The following ROCK2 variants were observed in gnomAD, a reference collection of about 807,000 sequenced individuals.
ROCK2 encodes rho-associated protein kinase 2.
A neutral mutation model predicts 195.1 loss-of-function variants in ROCK2; 61 were observed. The ratio of observed to expected loss-of-function variants is 0.31; its 90% confidence interval spans 0.25 to 0.39. The LOEUF is 0.39. Among genes scored for constraint, ROCK2 ranks in the 10% least tolerant of loss-of-function variants. ROCK2 has a pLI of 1.00. For missense variants in ROCK2, 1,109 were observed against 1,637.4 expected (o/e 0.68, Z 5.57); for synonymous variants, 504 against 545.5 (o/e 0.92, Z 1.06).
chr2:11,278,765 G>A (rs1327304424), intron 3 of ROCK2, among the ~76,000 whole-genome samples: 3 of 151,860 alleles, frequency 2.0e-5, no homozygotes, highest in Admixed American at 1.3e-4. Context: ...GGTGCCTGCC[G>A]CCACGCCTGG....
At chr2:11,190,962 TATTCAAC>T (rs1226409625) in intron 32 of ROCK2, among the ~76,000 whole-genome samples, 11 of 152,210 alleles carry the variant, frequency 7.2e-5, no homozygotes, top group Non-Finnish European at 1.5e-4. Flanking sequence ...TCACACAAAA[TATTCAAC>T]ATTTTCACTG....
rs558029099 is a variant in ROCK2 at position 11,329,622 on chromosome 2, A to G, written c.141+14374T>C. 2.6e-4 allele frequency among the ~76,000 whole-genome samples: 39 copies of G among 152,020 alleles called. No individual in the cohort carries two copies. The South Asian group carries it at 7.9e-3, about 31-fold the overall frequency. On this transcript the variant is annotated intron_variant, in intron 1 of 32. Coordinates refer to ENST00000315872, the MANE Select transcript of ROCK2 (RefSeq NM_004850.5). ...TTGTATCATCTGCTGTTCTCCTATT[A>G]TGGAAATGTCTTAAAAATGGAAAAC... is the stretch of plus-strand genomic sequence containing the variant.
At chr2:11,252,214 C>T (rs1006278173) in intron 3 of ROCK2, among the ~76,000 whole-genome samples, 15 of 152,080 alleles carry the variant, frequency 9.9e-5, no homozygotes, top group African/African-American at 3.4e-4. Flanking sequence ...CGTTCGAGAC[C>T]AGCCTGGCCA....
intron 1 of ROCK2, among the ~76,000 whole-genome samples, chr2:11,288,887 C>A (rs931084802): frequency 2.0e-5 from 3 of 152,032 alleles, no homozygotes; most frequent in Non-Finnish European, 4.4e-5. Context: ...ACGTGGGCAA[C>A]ACAGTGACAC....
At chr2:11,266,109 C>T (rs1175315184) in intron 3 of ROCK2, among the ~76,000 whole-genome samples, 1 of 152,148 alleles carries the variant, frequency 6.6e-6, no homozygotes, top group Non-Finnish European at 1.5e-5. Flanking sequence ...ACATCTTGTC[C>T]CACTAAAAGG....
chr2:11,204,661 C>CT lies in ROCK2; in HGVS notation c.2550-2541dup, dbSNP rs1204679047. Among the ~76,000 whole-genome samples, 13 of 152,278 alleles carry CT rather than the reference C, an allele frequency of 8.5e-5. No homozygotes were observed. The East Asian group carries it at 2.5e-3, about 29-fold the overall frequency. On this transcript the variant is annotated intron_variant, in intron 20 of 32. Transcript: ENST00000315872. ...TCTACATTTTAGGAAATTTCTTTGA[C>CT]TTTGAACCCTTCCAACAAATTTATA...
intron 2 of ROCK2, 63 bp from the exon 3 acceptor site, chr2:11,286,702 A>G (rs1253837790): frequency 1.9e-5 from 18 of 936,074 alleles, no homozygotes; most frequent in Non-Finnish European, 2.9e-5. Context: ...CATAATCAAC[A>G]TTTATAAATA....
intron 5 of ROCK2, among the ~76,000 whole-genome samples, chr2:11,228,851 G>A (rs1232147078): frequency 1.3e-5 from 2 of 152,050 alleles, no homozygotes; most frequent in African/African-American, 4.8e-5. Context: ...AGAAGAAAGG[G>A]CAAGATAAGA....
At chr2:11,254,348 T>C (rs116753019) in intron 3 of ROCK2, among the ~76,000 whole-genome samples, 1 of 152,306 alleles carries the variant, frequency 6.6e-6, no homozygotes, top group African/African-American at 2.4e-5. Context: ...TATAATTGCA[T>C]GTTTCTGCTG....
chr2:11,287,750 A>G lies in ROCK2; in HGVS notation c.142-14T>C. The G allele has an allele frequency of 9.1e-7, 1 of 1,103,314 alleles. No individual in the cohort carries two copies. Among genetic ancestry groups the G allele is most frequent in the South Asian group, 2.3e-5 (1 of 43,880 alleles). The allele number at this position is 1,103,314 out of a possible 1,614,324, so 68.3% of individuals were successfully genotyped here. A position where few individuals can be genotyped will look rare whatever the true frequency, so the allele number is the denominator to read the frequency against. On this transcript the variant is annotated splice_polypyrimidine_tract_variant and intron_variant, in intron 1 of 32. Coordinates refer to ENST00000315872, the MANE Select transcript of ROCK2 (RefSeq NM_004850.5). ...ATTTAAGCCATCCTGTTAAGAAATA[A>G]AAAGAGGAAATGACAGTTTTTACAA... is the stretch of plus-strand genomic sequence containing the variant.
Position 11,235,780 on chromosome 2 carries a change from C to T in ROCK2, c.645G>A (p.Val215=). ...IHSMGLIHRD[V]KPDNMLLDKH... is the part of the protein sequence containing the mutation. ...TATCCAAGAGCATGTTGTCAGGCTT[C>T]ACATCTCTGTGTATTAAACCCATGG... is the stretch of plus-strand genomic sequence containing the variant. The change falls in exon 5 of 33, where the codon GTG becomes GTA. Residue 215 remains valine, a synonymous_variant. Coordinates refer to ENST00000315872, the MANE Select transcript of ROCK2 (RefSeq NM_004850.5). This position sits in a 1 kb window ranked among gnomAD's most constrained non-coding sequence, Gnocchi z 4.2. The T allele has an allele frequency of 6.2e-7, 1 of 1,613,960 alleles. No homozygotes were observed. Among genetic ancestry groups the T allele is most frequent in the Admixed American group, 1.7e-5 (1 of 60,008 alleles).
chr2:11,250,614 C>T (rs561691712), intron 3 of ROCK2, among the ~76,000 whole-genome samples: 2 of 152,316 alleles, frequency 1.3e-5, no homozygotes, highest in East Asian at 3.9e-4. Flanking sequence ...CAGTTATTCC[C>T]CGTTTCAGTA....
intron 3 of ROCK2, among the ~76,000 whole-genome samples, chr2:11,276,011 T>C (rs1347538245): frequency 1.3e-5 from 2 of 152,170 alleles, no homozygotes; most frequent in African/African-American, 4.8e-5. Context: ...CAACACTCTT[T>C]CATGATTTAC....
intron 1 of ROCK2, among the ~76,000 whole-genome samples, chr2:11,291,810 T>C (rs1397889815): frequency 2.6e-5 from 4 of 152,158 alleles, no homozygotes; most frequent in South Asian, 2.1e-4. Flanking sequence ...GGACTGATTA[T>C]AGATAAACAG....
intron 1 of ROCK2, among the ~76,000 whole-genome samples, chr2:11,317,606 A>AT (rs1215755085): frequency 1.9e-4 from 3 of 16,156 alleles, no homozygotes; most frequent in African/African-American, 5.7e-4. Flanking sequence ...ATATATATAT[A>AT]TATATATTTT....
At chr2:11,301,504 C>T (rs917357391) in intron 1 of ROCK2, among the ~76,000 whole-genome samples, 6 of 151,792 alleles carry the variant, frequency 4.0e-5, no homozygotes, top group African/African-American at 1.2e-4. Context: ...CTGCTGGGCG[C>T]GGTGGCTCAT....
At chr2:11,233,924 A>C (rs1665112901) in intron 5 of ROCK2, 2 of 152,184 alleles carry the variant, frequency 1.3e-5, no homozygotes, top group Admixed American at 1.3e-4. Context: ...TCATGACAAT[A>C]AACTATGAAC....
At position 11,256,822 on chromosome 2, in the gene ROCK2, A is replaced by G. The variant is rs929828049; in HGVS notation, c.325-7024T>C. ...GCATCTTCAATAAATGAGCCTGAAA[A>G]TTAATAACATAAAAACTAACAGGAC... On this transcript the variant is annotated intron_variant, in intron 3 of 32. Coordinates refer to ENST00000315872, the MANE Select transcript of ROCK2 (RefSeq NM_004850.5). Among the ~76,000 whole-genome samples the G allele has an allele frequency of 2.8e-4, 42 of 151,430 alleles. 3 individuals are homozygous for G. The highest frequency in any genetic ancestry group is 1.0e-3 in the African/African-American group (41 of 40,718).
At chr2:11,218,567 T>A (rs1160400611) in intron 10 of ROCK2, 101 bp from the exon 11 acceptor site, 2 of 775,124 alleles carry the variant, frequency 2.6e-6, no homozygotes, top group African/African-American at 3.5e-5. Flanking sequence ...TCCAACCTAA[T>A]GCTTTAGCTT....
Sources: allele counts gnomAD v4.1 joint callset (sites outside exome capture counted in the v4.1 genomes callset), GRCh38; gene constraint gnomAD v4.1.1; non-coding constraint Gnocchi (gnomAD v3.1); transcripts MANE v1.5; gene names NCBI Gene and HGNC (gene_info 2026-07-23, HGNC 2026-07-21).